The following RBBP7 variants were observed in gnomAD, a reference collection of about 807,000 sequenced individuals.
The protein encoded by RBBP7 is RB binding protein 7, chromatin remodeling factor.
In RBBP7, 5 loss-of-function variants were observed where a neutral mutation model predicts 35.2. That is an observed-to-expected ratio of 0.14 (90% CI 0.07 to 0.30). The LOEUF is 0.30. Among genes scored for constraint, RBBP7 ranks in the 10% least tolerant of loss-of-function variants. The pLI, the probability that RBBP7 is intolerant of heterozygous loss-of-function variation, is 1.00. For missense variants in RBBP7, 155 were observed against 327.5 expected (o/e 0.47, Z 4.07); for synonymous variants, 140 against 118.7 (o/e 1.18, Z -1.17).
chrX:16,846,034 TG>T, intron 10 of RBBP7, 96 bp from the exon 11 acceptor site: 1 of 1,107,298 alleles, frequency 9.0e-7, no homozygotes, highest in Non-Finnish European at 1.2e-6. Flanking sequence ...GTATTTCAAC[TG>T]GGGGTGGGTG....
In RBBP7 at chrX:16,869,887, G is replaced by A; in HGVS notation, c.16+151C>T. ...CCTCGGCGCGGCGGTCCCGTCCCGCGCAGGCCCCTCGAGGCGCGCGCCCAG... is the reference window on the plus strand; with the variant it reads ...CCTCGGCGCGGCGGTCCCGTCCCGCACAGGCCCCTCGAGGCGCGCGCCCAG... On this transcript the variant is annotated intron_variant, in intron 1 of 11. Transcript: ENST00000380087. 2 of 800,541 alleles carry A rather than the reference G, an allele frequency of 2.5e-6. 1 individual carries two copies. Among genetic ancestry groups the A allele is most frequent in the Middle Eastern group, 1.3e-3 (2 of 1,566 alleles). The allele number at this position is 800,541 out of a possible 1,213,427, so 66.0% of individuals were successfully genotyped here.
intron 9 of RBBP7, among the ~76,000 whole-genome samples, chrX:16,850,883 G>A (rs1930195519): frequency 8.9e-6 from 1 of 112,018 alleles, no homozygotes; most frequent in Admixed American, 9.5e-5. Context: ...AGAATCACGT[G>A]GGGTCAGGAG....
chrX:16,844,481 A>T lies in RBBP7; in HGVS notation c.*554T>A, dbSNP rs1930014576. ...ATGTGAATCTGATTTTATCTACTTGATTCTGTATAGATTAAGTAAATATGT... is the reference window on the plus strand; with the variant it reads ...ATGTGAATCTGATTTTATCTACTTGTTTCTGTATAGATTAAGTAAATATGT... On this transcript the variant is annotated 3_prime_UTR_variant, in exon 12 of 12. Transcript: ENST00000380087. The T allele has an allele frequency of 9.0e-6, 1 of 111,367 alleles. No homozygotes were observed. Among genetic ancestry groups the T allele is most frequent in the Non-Finnish European group, 1.9e-5 (1 of 53,129 alleles). The allele number at this position is 111,367 out of a possible 1,213,427, so 9.2% of individuals were successfully genotyped here.
At chrX:16,869,683 C>A in intron 1 of RBBP7, 1 of 1,045,250 alleles carries the variant, frequency 9.6e-7, no homozygotes, top group Non-Finnish European at 1.2e-6. Context: ...GGGCCGCGAC[C>A]CCGAGGCGGT....
rs1410130749 is a variant in RBBP7, at chrX:16,869,448, A to G, written c.17-228T>C. 3.5e-6 allele frequency: 4 copies of G among 1,156,496 alleles called. No homozygotes were observed. The South Asian group carries it at 5.8e-5, about 17-fold the overall frequency. ...CTGCGTACACCATGTTGGGTAGTCA[A>G]TTACACGGACATGGAAATTGTTTAC... On this transcript the variant is annotated intron_variant, in intron 1 of 11. Coordinates refer to ENST00000380087, the MANE Select transcript of RBBP7 (RefSeq NM_002893.4).
intron 10 of RBBP7, chrX:16,848,891 A>C (rs1930148888): frequency 7.3e-6 from 1 of 136,350 alleles, no homozygotes; most frequent in African/African-American, 3.2e-5. Context: ...AAAGCATTTA[A>C]AATTTTTTCT....
At chrX:16,867,723 AGTGCAGTG>A (rs2147530906) in intron 2 of RBBP7, among the ~76,000 whole-genome samples, 1 of 111,250 alleles carries the variant, frequency 9.0e-6, no homozygotes, top group African/African-American at 3.3e-5. Context: ...CCCAGGCTGG[AGTGCAGTG>A]GTGCGATGTT....
intron 3 of RBBP7, among the ~76,000 whole-genome samples, chrX:16,859,551 G>C (rs1018856156): frequency 8.0e-5 from 9 of 112,620 alleles, no homozygotes; most frequent in Non-Finnish European, 1.5e-4. Context: ...TTAGCAGAAA[G>C]AATACAAGTA....
At chrX:16,848,529 T>A (rs1930138453) in intron 10 of RBBP7, 1 of 111,824 alleles carries the variant, frequency 8.9e-6, no homozygotes, top group Non-Finnish European at 1.9e-5. Flanking sequence ...AATGAATAAA[T>A]AAAACTCATG....
At chrX:16,852,466 T>C (rs749556792) in intron 8 of RBBP7, 85 bp downstream of exon 8, 1 of 998,934 alleles carries the variant, frequency 1.0e-6, no homozygotes. Context: ...TTTTCAATAG[T>C]GGACCCACGA....
At chrX:16,847,199 G>A (rs1458732462) in intron 10 of RBBP7, 1 of 109,831 alleles carries the variant, frequency 9.1e-6, no homozygotes, top group Non-Finnish European at 1.9e-5. Context: ...CTGGCCGGGT[G>A]TGGTGGCTCA....
rs773248438 is a variant in RBBP7, at chrX:16,845,061, A to G, written c.1252T>C (p.Ser418Pro). The G allele has an allele frequency of 8.3e-7, 1 of 1,209,749 alleles. No homozygotes were observed. The highest frequency in any genetic ancestry group is 1.1e-6 in the Non-Finnish European group (1 of 893,838). The change falls in exon 12 of 12, where the codon TCC becomes CCC. Residue 418 changes from serine to proline, a missense_variant. Ser to Pro is a moderately conservative substitution (Grantham distance 74). This residue lies in a region of RBBP7 where 17 missense variants were observed against 16.3 expected (regional missense o/e 1.04). Coordinates refer to ENST00000380087, the MANE Select transcript of RBBP7 (RefSeq NM_002893.4). ...YNDEESDVTT[S>P]ELEGQGS Reference sequence around the variant, plus strand: ...TAAGATCCTTGTCCCTCCAGTTCGGATGTCGTGACATCTGACTCTTCATCA... The same window carrying G: ...TAAGATCCTTGTCCCTCCAGTTCGGGTGTCGTGACATCTGACTCTTCATCA...
Position 16,852,849 on chromosome X carries a change from G to C in RBBP7, c.785C>G (p.Ser262Cys). The C allele has an allele frequency of 8.3e-7, 1 of 1,211,869 alleles. No homozygotes were observed. Among genetic ancestry groups the C allele is most frequent in the Non-Finnish European group, 1.1e-6 (1 of 895,610 alleles). The change falls in exon 7 of 12, where the codon TCC (serine) becomes TGC (cysteine). Residue 262 changes from serine (S) to cysteine (C), a missense_variant. By Grantham distance (112) the Ser-to-Cys change is moderately radical. Coordinates refer to ENST00000380087, the MANE Select transcript of RBBP7 (RefSeq NM_002893.4). ...CGCATCCACCAAGTGACTCGGCTTG[G>C]AGGTGGTATTGGACCTGGTGTCCCA... ...MIWDTRSNTT[S>C]KPSHLVDAHT...
intron 2 of RBBP7, among the ~76,000 whole-genome samples, chrX:16,865,063 CAAAAAAAAAAA>C (rs34381419): frequency 1.2e-3 from 30 of 24,567 alleles, no homozygotes; most frequent in Non-Finnish European, 2.0e-3. Flanking sequence ...GACCCTGTCT[CAAAAAAAAAAA>C]AAAAAAAAAA....
In RBBP7 at chrX:16,858,811, A is replaced by G. The variant is rs1930405495; in HGVS notation, c.346T>C (p.Cys116Arg). ...CCTTCGTGATTGATTTTAATTTCAC[A>G]TTCAATTTTTCCTGTTACAGAACCA... ...GFGSVTGKIE[C>R]EIKINHEGEV... The change falls in exon 4 of 12, where the codon TGT (cysteine) becomes CGT (arginine). Residue 116 changes from cysteine (C) to arginine (R), a missense_variant. Coordinates refer to ENST00000380087, the MANE Select transcript of RBBP7 (RefSeq NM_002893.4). 1 of 1,211,683 alleles carries G rather than the reference A, an allele frequency of 8.3e-7. No homozygotes were observed. The highest frequency in any genetic ancestry group is 1.1e-6 in the Non-Finnish European group (1 of 895,539).
chrX:16,869,829 G>A (rs1325908369), intron 1 of RBBP7: 2 of 890,125 alleles, frequency 2.2e-6, no homozygotes, highest in Non-Finnish European at 2.8e-6. Context: ...CCCAGCCCTC[G>A]GCCCCGCGCC....
At chrX:16,869,822 A>G in intron 1 of RBBP7, 1 of 900,182 alleles carries the variant, frequency 1.1e-6, no homozygotes, top group Non-Finnish European at 1.4e-6. Flanking sequence ...AGGGGGGCCC[A>G]GCCCTCGGCC....
intron 2 of RBBP7, 143 bp downstream of exon 2, chrX:16,868,933 C>G (rs1930694568): frequency 3.4e-6 from 2 of 584,405 alleles, no homozygotes; most frequent in East Asian, 3.7e-5. Context: ...CCACAAATCA[C>G]GTAAGTTTTG....
chrX:16,869,576 GGCCT>G (rs1177549261), intron 1 of RBBP7: 6 of 1,164,737 alleles, frequency 5.2e-6, no homozygotes, highest in Non-Finnish European at 6.9e-6. Context: ...GAAGCCCACA[GGCCT>G]GGTCTCTCCA....
Sources: allele counts gnomAD v4.1 joint callset (sites outside exome capture counted in the v4.1 genomes callset), GRCh38; gene constraint gnomAD v4.1.1; regional missense constraint gnomAD v4.1.1; transcripts MANE v1.5; gene names NCBI Gene and HGNC (gene_info 2026-07-23, HGNC 2026-07-21).